Variants in ARHGEF11 observed in about 807,000 individuals in gnomAD.
ARHGEF11 encodes Rho guanine exchange factor (GEF) 11.
ARHGEF11 carries 55 observed loss-of-function variants against 193.7 expected under a neutral mutation model. The observed-to-expected ratio is 0.28, with a 90% CI of 0.23 to 0.36. ARHGEF11 has a LOEUF of 0.36. Among genes scored for constraint, ARHGEF11 ranks in the 10% least tolerant of loss-of-function variants. The pLI is 1.00. For missense variants in ARHGEF11, 1,723 were observed against 2,005.6 expected, an observed-to-expected ratio of 0.86 and a Z score of 2.69; for synonymous variants, 693 against 768.0, an observed-to-expected ratio of 0.90 and a Z score of 1.62.
rs754335982 is a variant in ARHGEF11, at chr1:156,947,006, C to T, written c.2498G>A (p.Cys833Tyr). ...CTCCCGGAGCTTCTTCATGGCTTCA[C>T]ACCAGGAATCTGGGGCAGGAAGAGA... ...PELIEIHNSW[C>Y]EAMKKLREEG... The change falls in exon 27 of 41, where the codon TGT becomes TAT. Residue 833 changes from cysteine (C) to tyrosine (Y), a missense_variant. Around this residue, in one of 5 missense-constraint regions of ARHGEF11, gnomAD observed 491 missense variants for 654.5 expected, o/e 0.75. Coordinates refer to ENST00000368194, the MANE Select transcript of ARHGEF11 (RefSeq NM_198236.3). 3.1e-6 allele frequency: 5 copies of T among 1,614,038 alleles called. No individual in the cohort carries two copies. Among genetic ancestry groups the T allele is most frequent in the Non-Finnish European group, 4.2e-6 (5 of 1,180,040 alleles).
chr1:156,972,066 C>T (rs373867907), intron 7 of ARHGEF11, among the ~76,000 whole-genome samples: 2 of 152,338 alleles, frequency 1.3e-5, no homozygotes, highest in South Asian at 4.1e-4. Flanking sequence ...CTGTCCTAAT[C>T]TGAGCCATTC....
chr1:156,946,809 G>A (rs376465660), intron 27 of ARHGEF11, 22 bp from the exon 28 acceptor site: 32 of 1,613,752 alleles, frequency 2.0e-5, no homozygotes, highest in African/African-American at 1.1e-4. Flanking sequence ...GAATGGACAC[G>A]GGGCCAGGCA....
intron 13 of ARHGEF11, among the ~76,000 whole-genome samples, chr1:156,962,051 C>T (rs936050040): frequency 2.0e-5 from 3 of 152,182 alleles, no homozygotes; most frequent in Non-Finnish European, 2.9e-5. Context: ...ATAATCCCCA[C>T]CCCCTTTCCC....
Position 156,941,426 on chromosome 1 carries a change from G to A in ARHGEF11, c.3460C>T (p.Leu1154=), listed in dbSNP as rs769045413. ...QQGPTPSRVE[L]DDSDVFHGEP... is the part of the protein sequence containing the mutation. ...CCATGGAACACGTCTGAGTCATCCA[G>A]TTCTACCCTGAGGAAGGAAACCAAC... is the stretch of plus-strand genomic sequence containing the variant. The change falls in exon 35 of 41, where the codon CTG becomes TTG. Residue 1154 remains leucine (L), a synonymous_variant. Coordinates refer to ENST00000368194, the MANE Select transcript of ARHGEF11 (RefSeq NM_198236.3). 7 of 1,613,608 alleles carry A rather than the reference G, an allele frequency of 4.3e-6. No individual in the cohort carries two copies. The highest frequency in any genetic ancestry group is 5.9e-6 in the Non-Finnish European group (7 of 1,179,726).
intron 1 of ARHGEF11, among the ~76,000 whole-genome samples, chr1:157,024,042 C>T (rs1278660587): frequency 6.6e-6 from 1 of 152,148 alleles, no homozygotes; most frequent in Non-Finnish European, 1.5e-5. Context: ...AAGTGTCCAT[C>T]AACTGATGAA....
chr1:157,007,508 T>C (rs1557943074), intron 1 of ARHGEF11, among the ~76,000 whole-genome samples: 1 of 152,096 alleles, frequency 6.6e-6, no homozygotes, highest in African/African-American at 2.4e-5. Flanking sequence ...AAAAGGGCTG[T>C]GAAATCATTA....
At chr1:156,937,198 T>C (rs1333972578) in intron 39 of ARHGEF11, 51 bp downstream of exon 39, 2 of 1,610,622 alleles carry the variant, frequency 1.2e-6, no homozygotes, top group African/African-American at 2.7e-5. Context: ...GGGAATGGTT[T>C]TGGGGTGATG....
chr1:157,011,045 C>T (rs1799680), intron 1 of ARHGEF11, among the ~76,000 whole-genome samples: 116,105 of 152,036 alleles, frequency 0.76, 44,588 homozygotes, highest in Middle Eastern at 0.89. Flanking sequence ...TAAAACAATC[C>T]TGAGAAAGAA....
At chr1:157,034,806 T>C (rs905801059) in intron 1 of ARHGEF11, among the ~76,000 whole-genome samples, 2 of 152,244 alleles carry the variant, frequency 1.3e-5, no homozygotes, top group Admixed American at 6.5e-5. Context: ...CTAGAACTTT[T>C]ACACAAATTA....
intron 21 of ARHGEF11, among the ~76,000 whole-genome samples, chr1:156,952,062 A>G (rs1659196170): frequency 6.6e-6 from 1 of 152,134 alleles, no homozygotes; most frequent in Admixed American, 6.5e-5. Context: ...AGCCAGGAAG[A>G]CCAAAGCACA....
rs1051445097 is a variant in ARHGEF11, at chr1:157,017,462, CT to C, written c.32+26836del. Among the ~76,000 whole-genome samples, 4 of 152,084 alleles carry C rather than the reference CT, an allele frequency of 2.6e-5. 1 individual carries two copies. Among genetic ancestry groups the C allele is most frequent in the African/African-American group, 9.7e-5 (4 of 41,426 alleles). On this transcript the variant is annotated intron_variant, in intron 1 of 40. Coordinates refer to ENST00000368194, the MANE Select transcript of ARHGEF11 (RefSeq NM_198236.3). ...GTGGCTCATGCCTGCAAACCCAGCC[CT>C]TTGGGAGGTCGAGGCAGGTGGATCA...
chr1:156,947,520 C>G, intron 25 of ARHGEF11, 70 bp from the exon 26 acceptor site: 1 of 1,475,230 alleles, frequency 6.8e-7, no homozygotes, highest in East Asian at 2.4e-5. Flanking sequence ...TCTAGAGTCC[C>G]TGACCTGGTT....
chr1:156,940,707 C>G (rs895869098), intron 35 of ARHGEF11, among the ~76,000 whole-genome samples: 1 of 152,156 alleles, frequency 6.6e-6, no homozygotes, highest in African/African-American at 2.4e-5. Context: ...GTAACTTCCA[C>G]CGGAAAGAAG....
At chr1:156,974,263 T>C (rs1245295671) in intron 7 of ARHGEF11, among the ~76,000 whole-genome samples, 1 of 152,090 alleles carries the variant, frequency 6.6e-6, no homozygotes. Flanking sequence ...AGACATGGTC[T>C]CACTATGCTG....
chr1:156,946,200 C>T (rs371438091), intron 28 of ARHGEF11, 38 bp from the exon 29 acceptor site: 264 of 1,585,788 alleles, frequency 1.7e-4, no homozygotes, highest in Middle Eastern at 1.0e-3. Flanking sequence ...GAGATGTCAG[C>T]GTGGCTGGGA....
intron 1 of ARHGEF11, among the ~76,000 whole-genome samples, chr1:157,003,096 T>G (rs189234290): frequency 2.0e-4 from 31 of 152,366 alleles, no homozygotes; most frequent in African/African-American, 6.7e-4. Flanking sequence ...GCCATTCTTA[T>G]GTATTACATT....
At chr1:156,977,623 A>C (rs915770182) in intron 6 of ARHGEF11, among the ~76,000 whole-genome samples, 1 of 152,156 alleles carries the variant, frequency 6.6e-6, no homozygotes, top group Non-Finnish European at 1.5e-5. Flanking sequence ...CATGTTGCCC[A>C]GGCTGGTCTC....
At chr1:157,022,858 G>A (rs1014284708) in intron 1 of ARHGEF11, among the ~76,000 whole-genome samples, 4 of 152,128 alleles carry the variant, frequency 2.6e-5, no homozygotes, top group Non-Finnish European at 5.9e-5. Flanking sequence ...CACATTTATG[G>A]GTCCACTGAT....
At chr1:157,000,126 C>G (rs995952027) in intron 1 of ARHGEF11, among the ~76,000 whole-genome samples, 5 of 152,150 alleles carry the variant, frequency 3.3e-5, no homozygotes, top group African/African-American at 1.2e-4. Context: ...ACATGCCAGG[C>G]TAATTTTTGT....
Sources: allele counts gnomAD v4.1 joint callset (sites outside exome capture counted in the v4.1 genomes callset), GRCh38; gene constraint gnomAD v4.1.1; regional missense constraint gnomAD v4.1.1; transcripts MANE v1.5; gene names NCBI Gene and HGNC (gene_info 2026-07-23, HGNC 2026-07-21).